The following EYS variants were observed in gnomAD, a reference collection of about 807,000 sequenced individuals.
EYS encodes the protein protein eyes shut homolog.
EYS carries 250 observed loss-of-function variants against 282.1 expected under a neutral mutation model. That is an observed-to-expected ratio of 0.89 (90% CI 0.80 to 0.98). EYS has a LOEUF of 0.98. Ranked by LOEUF, EYS falls within the 50% of genes least tolerant of loss-of-function variation. EYS has a pLI of 0.00. For synonymous variants in EYS, 1,355 were observed against 1,282.9 expected, an observed-to-expected ratio of 1.06 and a Z score of -1.20; for missense variants, 4,016 against 3,709.0, an observed-to-expected ratio of 1.08 and a Z score of -2.15.
At chr6:63,747,395 TGTG>T (rs1319992609) in intron 41 of EYS, among the ~76,000 whole-genome samples, 1 of 152,196 alleles carries the variant, frequency 6.6e-6, no homozygotes, top group Non-Finnish European at 1.5e-5. Context: ...ATAAATGCGA[TGTG>T]GTGCTGAGAA....
At chr6:64,474,997 C>T (rs957467307) in intron 26 of EYS, among the ~76,000 whole-genome samples, 1 of 152,166 alleles carries the variant, frequency 6.6e-6, no homozygotes, top group Non-Finnish European at 1.5e-5. Flanking sequence ...GGCCATGAGG[C>T]AATGGCCAAC....
chr6:64,145,117 C>A (rs1423435873), intron 31 of EYS, among the ~76,000 whole-genome samples: 1 of 152,104 alleles, frequency 6.6e-6, no homozygotes, highest in African/African-American at 2.4e-5. Context: ...GAATAAGAAG[C>A]ATGATTATTT....
chr6:65,299,412 C>CT (rs1768753877), intron 11 of EYS, among the ~76,000 whole-genome samples: 2 of 151,998 alleles, frequency 1.3e-5, no homozygotes, highest in African/African-American at 2.4e-5. Flanking sequence ...CTGACCCCCC[C>CT]CAAAAAACAA....
chr6:64,793,873 A>G (rs1242687016), intron 22 of EYS, among the ~76,000 whole-genome samples: 1 of 152,152 alleles, frequency 6.6e-6, no homozygotes, highest in Non-Finnish European at 1.5e-5. Context: ...TTAAGCATAC[A>G]GCCCAGCATT....
At chr6:64,632,382 C>T (rs1250602066) in intron 22 of EYS, among the ~76,000 whole-genome samples, 1 of 151,828 alleles carries the variant, frequency 6.6e-6, no homozygotes, top group East Asian at 1.9e-4. Flanking sequence ...GAATAGGAAG[C>T]CTCCAGTTAG....
At position 63,790,023 on chromosome 6, in the gene EYS, T is replaced by A. The variant is rs117520437; in HGVS notation, c.7412-799A>T. On this transcript the variant is annotated intron_variant, in intron 37 of 42. Coordinates refer to ENST00000503581, the MANE Select transcript of EYS (RefSeq NM_001142800.2). ...TACGTCACCCAGCTTCTGAAAGGTG[T>A]GTTAGTGGGTGGGGCAAAAGAAGAA... is the stretch of plus-strand genomic sequence containing the variant. 7.0e-3 allele frequency among the ~76,000 whole-genome samples: 1,067 copies of A among 152,094 alleles called. 36 individuals are homozygous for A. In the East Asian group the frequency reaches 0.071, roughly 10 times the overall value.
chr6:65,567,647 A>G (rs1764323923), intron 2 of EYS, among the ~76,000 whole-genome samples: 1 of 152,132 alleles, frequency 6.6e-6, no homozygotes, highest in African/African-American at 2.4e-5. Context: ...GCTATTAATG[A>G]AAGCCTTACA....
chr6:65,140,187 T>C (rs1053037115), intron 12 of EYS, among the ~76,000 whole-genome samples: 1 of 151,954 alleles, frequency 6.6e-6, no homozygotes, highest in African/African-American at 2.4e-5. Flanking sequence ...AAATATAAGA[T>C]ATTAAGAAGA....
At chr6:65,385,588 A>G (rs2150352634) in intron 7 of EYS, among the ~76,000 whole-genome samples, 1 of 152,080 alleles carries the variant, frequency 6.6e-6, no homozygotes. Context: ...GTTGTGAAAT[A>G]CATTATTATT....
At chr6:65,061,610 G>C (rs1288741104) in intron 12 of EYS, among the ~76,000 whole-genome samples, 1 of 151,490 alleles carries the variant, frequency 6.6e-6, no homozygotes, top group Non-Finnish European at 1.5e-5. Context: ...TCTTCCTCAT[G>C]TATTTCTAGG....
At chr6:64,273,360 G>A (rs541497912) in intron 30 of EYS, among the ~76,000 whole-genome samples, 59 of 151,942 alleles carry the variant, frequency 3.9e-4, no homozygotes, top group African/African-American at 1.3e-3. Flanking sequence ...TTCCTTTAAC[G>A]TCATTGTTGG....
intron 24 of EYS, among the ~76,000 whole-genome samples, chr6:64,614,200 C>G (rs1034179653): frequency 4.6e-5 from 7 of 151,984 alleles, no homozygotes; most frequent in African/African-American, 1.7e-4. Flanking sequence ...CTAATGAAAC[C>G]AAAATACAAC....
intron 11 of EYS, among the ~76,000 whole-genome samples, chr6:65,301,512 G>A (rs1768824859): frequency 6.6e-6 from 1 of 152,200 alleles, no homozygotes; most frequent in Non-Finnish European, 1.5e-5. Context: ...GCTGCTGGGA[G>A]GACGACGGAC....
intron 22 of EYS, among the ~76,000 whole-genome samples, chr6:64,703,617 G>A (rs551738026): frequency 6.6e-6 from 1 of 150,830 alleles, no homozygotes; most frequent in South Asian, 2.1e-4. Flanking sequence ...GGACAATGTG[G>A]AGTAATCCAA....
intron 5 of EYS, among the ~76,000 whole-genome samples, chr6:65,445,345 G>A (rs944082938): frequency 6.6e-6 from 1 of 151,744 alleles, no homozygotes; most frequent in African/African-American, 2.4e-5. Context: ...TAATTTATTA[G>A]GGAAGTATAA....
intron 12 of EYS, among the ~76,000 whole-genome samples, chr6:65,235,017 TA>T (rs1318182784): frequency 1.3e-5 from 2 of 152,172 alleles, no homozygotes; most frequent in Non-Finnish European, 2.9e-5. Flanking sequence ...AAAGCCATAT[TA>T]GGGGTGGGTG....
chr6:64,938,789 C>T (rs1165014115), intron 15 of EYS, among the ~76,000 whole-genome samples: 1 of 151,602 alleles, frequency 6.6e-6, no homozygotes, highest in East Asian at 1.9e-4. Flanking sequence ...TTCCAACTTA[C>T]AATTTTTGTC....
chr6:65,126,447 A>G (rs924461644), intron 12 of EYS, among the ~76,000 whole-genome samples: 2 of 152,140 alleles, frequency 1.3e-5, no homozygotes, highest in African/African-American at 4.8e-5. Context: ...TGGATCCTAA[A>G]TAGGCTGCTT....
At chr6:63,779,116 A>G (rs1770140805) in intron 39 of EYS, 2 of 147,248 alleles carry the variant, frequency 1.4e-5, no homozygotes, top group Admixed American at 1.4e-4. Flanking sequence ...ATGTTGTCAC[A>G]TTTTTCTCTT....
Sources: gnomAD v4.1 joint callset for allele counts (sites outside exome capture counted in the v4.1 genomes callset) on GRCh38, gnomAD v4.1.1 for gene constraint, MANE v1.5 for transcripts, NCBI Gene and HGNC (gene_info 2026-07-23, HGNC 2026-07-21) for gene names.